FNTB: variants seen among roughly 807,000 people sequenced by gnomAD.
The protein encoded by FNTB is farnesyltransferase, CAAX box, subunit beta.
A neutral mutation model predicts 59.4 loss-of-function variants in FNTB; 27 were observed. That is an observed-to-expected ratio of 0.45 (90% CI 0.34 to 0.63). FNTB has a LOEUF of 0.63. Ranked by LOEUF, FNTB falls within the 20% of genes least tolerant of loss-of-function variation. The pLI, the probability that FNTB is intolerant of heterozygous loss-of-function variation, is 0.02. For synonymous variants in FNTB, 230 were observed against 220.7 expected (o/e 1.04, Z -0.37); for missense variants, 449 against 559.6 (o/e 0.80, Z 1.99).
chr14:65,056,901 A>G (rs893669399), intron 11 of FNTB, among the ~76,000 whole-genome samples: 1 of 152,220 alleles, frequency 6.6e-6, no homozygotes, highest in Non-Finnish European at 1.5e-5. Flanking sequence ...ATTCAAGGGC[A>G]TGGCTCTGGC....
In FNTB at chr14:65,044,729, A is replaced by G. The variant is rs2062436864; in HGVS notation, c.955+286A>G. 4.7e-6 allele frequency: 2 copies of G among 427,362 alleles called. No homozygotes were observed. Among genetic ancestry groups the G allele is most frequent in the Non-Finnish European group, 8.2e-6 (2 of 244,428 alleles). 26.5% of individuals were successfully genotyped at this position (427,362 alleles called of 1,614,324 possible). ...AGGAAGTGGGCGCTGCTTCTGCGTT[A>G]TCTGGAAGGAGCAGCCCACTCCTGT... On this transcript the variant is annotated intron_variant, in intron 9 of 11. Transcript: ENST00000246166. The surrounding 1 kb of genome is among the most constrained non-coding windows in gnomAD (Gnocchi z 5.5).
intron 4 of FNTB, among the ~76,000 whole-genome samples, chr14:65,026,182 T>C (rs561234052): frequency 2.4e-4 from 37 of 152,264 alleles, no homozygotes; most frequent in African/African-American, 8.2e-4. Context: ...AATGGAGGTT[T>C]CTCCTGGCGG....
At chr14:65,010,233 C>T (rs2061662404) in intron 2 of FNTB, among the ~76,000 whole-genome samples, 3 of 152,248 alleles carry the variant, frequency 2.0e-5, no homozygotes, top group Admixed American at 2.0e-4. Flanking sequence ...TCCTGTTTCT[C>T]TCCTTCACTG....
rs1034198343 is a variant in FNTB at position 64,991,377 on chromosome 14, G to A, written c.144+4280G>A. Among the ~76,000 whole-genome samples, 22 of 152,204 alleles carry A rather than the reference G, an allele frequency of 1.4e-4. No individual in the cohort carries two copies. The highest frequency in any genetic ancestry group is 8.5e-4 in the Admixed American group (13 of 15,278). ...AGCACTTTGGGAGGCTGAGGCTGGC[G>A]GATCACTGGAGGTCAGGAGTTTGAG... On this transcript the variant is annotated intron_variant, in intron 1 of 11. Transcript: ENST00000246166. This position sits in a 1 kb window ranked among gnomAD's most constrained non-coding sequence, Gnocchi z 4.4.
chr14:65,060,697 C>CAAAAAAAAAAAAAAAAAA (rs59036615), intron 11 of FNTB, among the ~76,000 whole-genome samples: 1 of 48,630 alleles, frequency 2.1e-5, no homozygotes, highest in Admixed American at 1.9e-4. Flanking sequence ...GACTCCGTCT[C>CAAAAAAAAAAAAAAAAAA]AAAAAAAAAA....
At chr14:65,035,398 T>C (rs1309703732) in intron 7 of FNTB, among the ~76,000 whole-genome samples, 1 of 152,190 alleles carries the variant, frequency 6.6e-6, no homozygotes, top group Non-Finnish European at 1.5e-5. Flanking sequence ...TTGTTCAGTG[T>C]ACAGCTGTCA....
At chr14:64,988,506 C>T (rs1888046544) in intron 1 of FNTB, among the ~76,000 whole-genome samples, 1 of 142,506 alleles carries the variant, frequency 7.0e-6, no homozygotes, top group Non-Finnish European at 1.5e-5. Flanking sequence ...GATGCACTGG[C>T]TTACTGCACC....
intron 7 of FNTB, among the ~76,000 whole-genome samples, chr14:65,034,498 G>A (rs751655871): frequency 9.9e-5 from 15 of 152,250 alleles, no homozygotes; most frequent in Non-Finnish European, 1.8e-4. Context: ...TCTGAATTTT[G>A]TAAGCATTGC....
Position 65,048,148 on chromosome 14 carries a change from A to G in FNTB, c.955+3705A>G, listed in dbSNP as rs902665434. 5.0e-4 allele frequency among the ~76,000 whole-genome samples: 76 copies of G among 151,926 alleles called. 1 individual carries two copies. The highest frequency in any genetic ancestry group is 6.8e-3 in the Middle Eastern group (2 of 294). The stretch of plus-strand genomic sequence containing the variant: ...AGGCGTGTACCACCACACCCAGCCA[A>G]TGTTTTCTATTTTTAGTAGAGACAG... On this transcript the variant is annotated intron_variant, in intron 9 of 11. Transcript: ENST00000246166.
rs1471205162 is a variant in FNTB, at chr14:65,012,016, C to T, written c.210-301C>T. Among the ~76,000 whole-genome samples the T allele has an allele frequency of 3.3e-5, 5 of 152,192 alleles. No individual in the cohort carries two copies. The highest frequency in any genetic ancestry group is 1.2e-4 in the African/African-American group (5 of 41,440). On this transcript the variant is annotated intron_variant, in intron 2 of 11. Coordinates refer to ENST00000246166, the MANE Select transcript of FNTB (RefSeq NM_002028.4). The surrounding 1 kb of genome is among the most constrained non-coding windows in gnomAD (Gnocchi z 5.0). ...AAGTTTCTGGGTGGACTGTCATTGC[C>T]TGGCTGCGTGTGCTCATTGCGGCTT...
chr14:65,057,300 G>C (rs560378321), intron 11 of FNTB, among the ~76,000 whole-genome samples: 3 of 152,074 alleles, frequency 2.0e-5, no homozygotes, highest in South Asian at 4.1e-4. Context: ...ATGGTGGTTC[G>C]CACCTGTAAA....
rs1341248586 is a variant in FNTB at position 65,050,030 on chromosome 14, TCA to T, written c.956-3205_956-3204del. ...TTAAAAATTTTAAAAAGTTTTAAAC[TCA>T]CATAACCAAAACAGAGGAGCAAAAA... On this transcript the variant is annotated intron_variant, in intron 9 of 11. Transcript: ENST00000246166. 4.6e-5 allele frequency among the ~76,000 whole-genome samples: 7 copies of T among 152,246 alleles called. No individual in the cohort carries two copies. In the East Asian group the frequency reaches 1.2e-3, roughly 25 times the overall value.
chr14:65,027,668 G>C lies in FNTB; in HGVS notation c.522-30G>C, dbSNP rs546406732. 4.4e-5 allele frequency: 71 copies of C among 1,614,108 alleles called. No homozygotes were observed. In the Admixed American group the frequency reaches 9.8e-4, roughly 22 times the overall value. On this transcript the variant is annotated intron_variant, in intron 5 of 11. Transcript: ENST00000246166. The surrounding 1 kb of genome is among the most constrained non-coding windows in gnomAD (Gnocchi z 5.7). ...CGCCTGCTGACACGCACTGACTGTTGCCTCTCCTACCTCTTTCCCTGTTTC... is the reference window on the plus strand; with the variant it reads ...CGCCTGCTGACACGCACTGACTGTTCCCTCTCCTACCTCTTTCCCTGTTTC...
intron 4 of FNTB, among the ~76,000 whole-genome samples, chr14:65,024,134 C>T (rs940389311): frequency 2.6e-5 from 4 of 151,918 alleles, no homozygotes; most frequent in Admixed American, 1.3e-4. Context: ...CTCTCAGACC[C>T]ATCTAGTTCT....
In FNTB at chr14:65,027,445, G is replaced by A. The variant is rs1305951585; in HGVS notation, c.375-8G>A. ...GACTTTGTTTTTGCCCTTTGGCTGT[G>A]TACCTAGTGTGTGTCAGTTCCTGGA... On this transcript the variant is annotated splice_region_variant and splice_polypyrimidine_tract_variant and intron_variant, in intron 4 of 11. Coordinates refer to ENST00000246166, the MANE Select transcript of FNTB (RefSeq NM_002028.4). This position sits in a 1 kb window ranked among gnomAD's most constrained non-coding sequence, Gnocchi z 5.7. The A allele has an allele frequency of 1.2e-6, 2 of 1,614,086 alleles. No homozygotes were observed. Among genetic ancestry groups the A allele is most frequent in the Admixed American group, 3.3e-5 (2 of 60,014 alleles).
Position 64,990,364 on chromosome 14 carries a change from C to T in FNTB, c.144+3267C>T, listed in dbSNP as rs749229754. Among the ~76,000 whole-genome samples the T allele has an allele frequency of 7.2e-5, 11 of 152,112 alleles. No homozygotes were observed. The highest frequency in any genetic ancestry group is 4.2e-4 in the South Asian group (2 of 4,804). On this transcript the variant is annotated intron_variant, in intron 1 of 11. Coordinates refer to ENST00000246166, the MANE Select transcript of FNTB (RefSeq NM_002028.4). The surrounding 1 kb of genome is among the most constrained non-coding windows in gnomAD (Gnocchi z 5.2). ...CCATGGGAAGTATTGCTGGGGGTGA[C>T]CGAGAAGGAGAAGAATGAGACCACT... is the stretch of plus-strand genomic sequence containing the variant.
At chr14:64,998,266 A>G (rs934200093) in intron 1 of FNTB, among the ~76,000 whole-genome samples, 2 of 152,258 alleles carry the variant, frequency 1.3e-5, no homozygotes, top group Non-Finnish European at 2.9e-5. Context: ...AACCTAAATT[A>G]ACAGACAGAG....
At chr14:65,060,090 C>T (rs1456152586) in intron 11 of FNTB, among the ~76,000 whole-genome samples, 1 of 151,718 alleles carries the variant, frequency 6.6e-6, no homozygotes, top group Non-Finnish European at 1.5e-5. Context: ...ACCTCGGCCT[C>T]CCAAAATGCT....
rs1431060528 is a variant in FNTB at position 65,028,558 on chromosome 14, C to CTT, written c.605+778_605+779dup. Among the ~76,000 whole-genome samples, 1 of 152,182 alleles carries CTT rather than the reference C, an allele frequency of 6.6e-6. No homozygotes were observed. Among genetic ancestry groups the CTT allele is most frequent in the African/African-American group, 2.4e-5 (1 of 41,424 alleles). On this transcript the variant is annotated intron_variant, in intron 6 of 11. Transcript: ENST00000246166. This position sits in a 1 kb window ranked among gnomAD's most constrained non-coding sequence, Gnocchi z 4.4. The stretch of plus-strand genomic sequence containing the variant: ...CTACACAAGTTGATTAATAGTCTGG[C>CTT]TTAAGCATCTGGTTTAACCATTGGT...
Sources: gnomAD v4.1 joint callset for allele counts (sites outside exome capture counted in the v4.1 genomes callset) on GRCh38, gnomAD v4.1.1 for gene constraint, Gnocchi (gnomAD v3.1) non-coding constraint, MANE v1.5 for transcripts, NCBI Gene and HGNC (gene_info 2026-07-23, HGNC 2026-07-21) for gene names.